Variants in GDPD5 observed in about 807,000 individuals in gnomAD.
The protein encoded by GDPD5 is glycerophosphodiester phosphodiesterase domain containing 5.
GDPD5 carries 48 observed loss-of-function variants against 75.1 expected under a neutral mutation model. That is an observed-to-expected ratio of 0.64 (90% CI 0.51 to 0.81). The LOEUF (loss-of-function observed/expected upper bound fraction) is 0.81. Among genes scored for constraint, GDPD5 ranks in the 40% least tolerant of loss-of-function variants. The pLI is 0.00. For synonymous variants in GDPD5, 336 were observed against 339.0 expected, an observed-to-expected ratio of 0.99 and a Z score of 0.10; for missense variants, 706 against 822.6, an observed-to-expected ratio of 0.86 and a Z score of 1.73.
In GDPD5 at chr11:75,439,974, G is replaced by C; in HGVS notation, c.1474-13C>G. ...ACTCGTCCGGGGGCTGTGGACAGACGGCCCGAGGCCAACTTCCAGTCATGG... is the reference window on the plus strand; with the variant it reads ...ACTCGTCCGGGGGCTGTGGACAGACCGCCCGAGGCCAACTTCCAGTCATGG... On this transcript the variant is annotated splice_polypyrimidine_tract_variant and intron_variant, in intron 14 of 16. Coordinates refer to ENST00000336898, the MANE Select transcript of GDPD5 (RefSeq NM_030792.8). 1 of 1,605,146 alleles carries C rather than the reference G, an allele frequency of 6.2e-7. No homozygotes were observed. The highest frequency in any genetic ancestry group is 1.1e-5 in the South Asian group (1 of 90,636).
chr11:75,442,971 G>A, intron 11 of GDPD5, 165 bp downstream of exon 11: 2 of 742,512 alleles, frequency 2.7e-6, no homozygotes, highest in Non-Finnish European at 4.6e-6. Context: ...CATGAGTCTG[G>A]CAGCAGTGGC....
At chr11:75,522,623 T>C (rs2135521744) in intron 1 of GDPD5, among the ~76,000 whole-genome samples, 1 of 152,196 alleles carries the variant, frequency 6.6e-6, no homozygotes, top group South Asian at 2.1e-4. Context: ...AGCTCTCTCC[T>C]GTTGGGGGCC....
chr11:75,458,443 C>T (rs1019335450), intron 4 of GDPD5, among the ~76,000 whole-genome samples: 2 of 152,128 alleles, frequency 1.3e-5, no homozygotes, highest in Non-Finnish European at 2.9e-5. Context: ...GAGGCTGAGG[C>T]GGGCGGATCA....
intron 11 of GDPD5, 31 bp downstream of exon 11, chr11:75,443,105 T>A: frequency 6.3e-7 from 1 of 1,582,886 alleles, no homozygotes. Context: ...GTGTTTTCCA[T>A]GCCTAAGATT....
intron 1 of GDPD5, among the ~76,000 whole-genome samples, chr11:75,507,651 AG>A (rs561701898): frequency 1.2e-3 from 178 of 152,378 alleles, no homozygotes; most frequent in Non-Finnish European, 2.2e-3. Flanking sequence ...TGACAAGCCA[AG>A]AATCAGAGGA....
chr11:75,465,405 C>T (rs1413703333), intron 3 of GDPD5, among the ~76,000 whole-genome samples: 3 of 152,194 alleles, frequency 2.0e-5, no homozygotes, highest in African/African-American at 7.2e-5. Flanking sequence ...ATCCCATCTC[C>T]TCAGAGCTCC....
In GDPD5 at chr11:75,443,287, C is replaced by A; in HGVS notation, c.798-1G>T. On this transcript the variant is annotated splice_acceptor_variant, in intron 10 of 16. Transcript: ENST00000336898. LOFTEE classifies it high-confidence loss of function. The stretch of plus-strand genomic sequence containing the variant: ...CATGAGGAAGGGCACGCCGTCCAGG[C>A]TGCAGGGAGGGTGGGGCCACCGAGT... 2 of 1,605,892 alleles carry A rather than the reference C, an allele frequency of 1.2e-6. No individual in the cohort carries two copies. The highest frequency in any genetic ancestry group is 1.7e-6 in the Non-Finnish European group (2 of 1,177,456).
At chr11:75,452,711 T>C (rs2135241761) in intron 6 of GDPD5, 1 of 152,368 alleles carries the variant, frequency 6.6e-6, no homozygotes, top group East Asian at 1.9e-4. Flanking sequence ...GAAGTCTGAA[T>C]TCACCAGGAG....
At position 75,499,393 on chromosome 11, in the gene GDPD5, C is replaced by CTTTT. The variant is rs367680602; in HGVS notation, c.-144-9074_-144-9073insAAAA. Among the ~76,000 whole-genome samples, 8 of 140,160 alleles carry CTTTT rather than the reference C, an allele frequency of 5.7e-5. 2 individuals carry two copies. Among genetic ancestry groups the CTTTT allele is most frequent in the African/African-American group, 2.8e-5 (1 of 35,110 alleles). The allele number at this position is 140,160 out of a possible 152,430, so 92.0% of individuals were successfully genotyped here. On this transcript the variant is annotated intron_variant, in intron 1 of 16. Transcript: ENST00000336898. The stretch of plus-strand genomic sequence containing the variant: ...AACTTTCCTTCTTTCTTCTTCTTTT[C>CTTTT]CTTTTTTTTTTTTTTTTTTTTTTTA...
At chr11:75,467,634 G>T (rs1304322086) in intron 3 of GDPD5, among the ~76,000 whole-genome samples, 1 of 152,094 alleles carries the variant, frequency 6.6e-6, no homozygotes, top group African/African-American at 2.4e-5. Flanking sequence ...TGCCTAAGGA[G>T]GGACCAGACA....
intron 2 of GDPD5, among the ~76,000 whole-genome samples, chr11:75,488,997 G>C (rs1461996976): frequency 2.0e-5 from 3 of 152,096 alleles, no homozygotes; most frequent in Non-Finnish European, 1.5e-5. Context: ...CCCTGCACTG[G>C]GCCTGGCACC....
Position 75,449,566 on chromosome 11 carries a change from G to A in GDPD5, c.519C>T (p.Thr173=), listed in dbSNP as rs1389895509. Residue 173 remains threonine, a synonymous_variant, in exon 8 of 17, where the codon ACC becomes ACT. Coordinates refer to ENST00000336898, the MANE Select transcript of GDPD5 (RefSeq NM_030792.8). The part of the protein sequence containing the change: ...FLHVGAVAAV[T]MLSWIVAGQF... ...GTCCTGCCACGATCCAGGAGAGCAT[G>A]GTGACTGCTGCCACAGCCCCCACAT... is the stretch of plus-strand genomic sequence containing the variant. The A allele has an allele frequency of 6.3e-7, 1 of 1,589,552 alleles. No homozygotes were observed. The highest frequency in any genetic ancestry group is 1.1e-5 in the South Asian group (1 of 87,036).
Position 75,442,481 on chromosome 11 carries a change from T to C in GDPD5, c.1049A>G (p.Lys350Arg), listed in dbSNP as rs1270917267. The change falls in exon 12 of 17, where the codon AAG (lysine) becomes AGG (arginine). Residue 350 changes from lysine to arginine, a missense_variant. Physicochemically the swap from Lys to Arg is conservative, Grantham distance 26 (BLOSUM62 2). Transcript: ENST00000336898. ...CSLAELLELA[K>R]GNATLLLNLR... is the part of the protein sequence containing the mutation. ...GTTGAGCAGCAGTGTGGCATTGCCC[T>C]TGGCCAGCTCCAGGAGCTCTGCCAG... The C allele has an allele frequency of 1.9e-6, 3 of 1,613,908 alleles. No homozygotes were observed. Among genetic ancestry groups the C allele is most frequent in the South Asian group, 2.2e-5 (2 of 91,052 alleles).
intron 13 of GDPD5, 85 bp downstream of exon 13, chr11:75,441,560 GT>G: frequency 4.0e-6 from 5 of 1,260,982 alleles, no homozygotes; most frequent in Non-Finnish European, 5.5e-6. Flanking sequence ...GTGTGTGTGT[GT>G]GTGTGTGTTG....
chr11:75,448,719 A>G, intron 9 of GDPD5: 1 of 1,188,946 alleles, frequency 8.4e-7, no homozygotes, highest in Non-Finnish European at 1.0e-6. Flanking sequence ...ACCTGGGTCT[A>G]GCCTGGGCCT....
intron 5 of GDPD5, 54 bp downstream of exon 5, chr11:75,457,639 G>C (rs1949312230): frequency 2.0e-6 from 3 of 1,479,924 alleles, no homozygotes; most frequent in Non-Finnish European, 2.8e-6. Flanking sequence ...CACAGGGCCA[G>C]TATCCCTTCC....
intron 14 of GDPD5, among the ~76,000 whole-genome samples, chr11:75,440,566 T>C (rs1948764636): frequency 6.6e-6 from 1 of 152,136 alleles, no homozygotes; most frequent in Admixed American, 6.5e-5. Context: ...TTCCTATTCT[T>C]TTTTATTTTT....
rs1189597862 is a variant in GDPD5 at position 75,464,754 on chromosome 11, G to A, written c.118-1865C>T. Among the ~76,000 whole-genome samples the A allele has an allele frequency of 2.6e-5, 4 of 152,150 alleles. No homozygotes were observed. The East Asian group carries it at 7.7e-4, about 29-fold the overall frequency. On this transcript the variant is annotated intron_variant, in intron 3 of 16. Coordinates refer to ENST00000336898, the MANE Select transcript of GDPD5 (RefSeq NM_030792.8). ...TGTCTGCCCCAGCTGGACACAGAAT[G>A]GCACAAGCTCCAGTTCCAGGCACAG...
Position 75,439,938 on chromosome 11 carries a change from C to T in GDPD5, c.1497G>A (p.Met499Ile), listed in dbSNP as rs1181065245. The T allele has an allele frequency of 3.1e-6, 5 of 1,613,998 alleles. No homozygotes were observed. The highest frequency in any genetic ancestry group is 2.2e-5 in the South Asian group (2 of 91,062). The change falls in exon 15 of 17, where the codon ATG (methionine) becomes ATA (isoleucine). Residue 499 changes from methionine to isoleucine, a missense_variant. Coordinates refer to ENST00000336898, the MANE Select transcript of GDPD5 (RefSeq NM_030792.8). The stretch of plus-strand genomic sequence containing the variant: ...AGGAGACCAGGTCGGCAGTGACCCA[C>T]ATGAGACAGTACTCGTCCGGGGGCT... ...WIMPPDEYCL[M>I]WVTADLVSFT...
Sources: allele counts gnomAD v4.1 joint callset (sites outside exome capture counted in the v4.1 genomes callset), GRCh38; gene constraint gnomAD v4.1.1; transcripts MANE v1.5; gene names NCBI Gene and HGNC (gene_info 2026-07-23, HGNC 2026-07-21).